DNA2: variants seen among roughly 807,000 people sequenced by gnomAD.
DNA2 encodes DNA replication helicase/nuclease 2.
A neutral mutation model predicts 119.1 loss-of-function variants in DNA2; 101 were observed. The observed-to-expected ratio is 0.85, with a 90% CI of 0.72 to 1.00. The LOEUF is 1.00. DNA2 is among the 50% of genes least tolerant of loss of function. The pLI, the probability that DNA2 is intolerant of heterozygous loss-of-function variation, is 0.00. For missense variants in DNA2, 1,121 were observed against 1,255.5 expected (o/e 0.89, Z 1.62); for synonymous variants, 366 against 424.4 (o/e 0.86, Z 1.69).
Position 68,442,910 on chromosome 10 carries a change from C to A in DNA2, c.1415+7G>T. ...TGAAATCTTACTGTACTAAATGGAC[C>A]ACTTACATTTCCGAAGCAGGCATTA... On this transcript the variant is annotated splice_region_variant and intron_variant, in intron 9 of 20. Transcript: ENST00000358410. 1 of 1,604,624 alleles carries A rather than the reference C, an allele frequency of 6.2e-7. No homozygotes were observed. Among genetic ancestry groups the A allele is most frequent in the Non-Finnish European group, 8.5e-7 (1 of 1,175,940 alleles).
chr10:68,459,028 T>A, intron 5 of DNA2, 76 bp downstream of exon 5: 12 of 1,287,152 alleles, frequency 9.3e-6, no homozygotes, highest in Non-Finnish European at 1.2e-5. Flanking sequence ...CTTTAAAAAC[T>A]TTGATTCAAC....
intron 9 of DNA2, among the ~76,000 whole-genome samples, chr10:68,441,776 A>G (rs1356478202): frequency 6.6e-6 from 1 of 152,210 alleles, no homozygotes; most frequent in African/African-American, 2.4e-5. Context: ...TTCCATCTCA[A>G]AAAGAAAAAA....
Position 68,450,080 on chromosome 10 carries a change from G to T in DNA2, c.887C>A (p.Pro296Gln). The T allele has an allele frequency of 6.2e-7, 1 of 1,602,136 alleles. No homozygotes were observed. The highest frequency in any genetic ancestry group is 8.5e-7 in the Non-Finnish European group (1 of 1,173,566). The change falls in exon 6 of 21, where the codon CCG becomes CAG. Residue 296 changes from proline to glutamine, a missense_variant. Pro to Gln is a moderately conservative substitution (Grantham distance 76). Transcript: ENST00000358410. ...RGYKTKYKIMPLELKTGKESN... is the reference protein window; with the variant it reads ...RGYKTKYKIMQLELKTGKESN... The stretch of plus-strand genomic sequence containing the variant: ...TTCTTTGCCAGTTTTAAGTTCCAGC[G>T]GCATTATCTTGTATTTTGTTTTATA...
At chr10:68,437,586 G>T (rs1412861560) in intron 9 of DNA2, among the ~76,000 whole-genome samples, 1 of 152,088 alleles carries the variant, frequency 6.6e-6, no homozygotes, top group African/African-American at 2.4e-5. Flanking sequence ...GGAGGTGAAA[G>T]TTGCAGTGAG....
intron 1 of DNA2, among the ~76,000 whole-genome samples, chr10:68,471,385 C>T (rs369417526): frequency 2.0e-5 from 3 of 152,152 alleles, no homozygotes; most frequent in African/African-American, 7.2e-5. Flanking sequence ...ACATTATGAC[C>T]GTGGTTAACT....
At chr10:68,468,906 C>T (rs893600031) in intron 2 of DNA2, among the ~76,000 whole-genome samples, 3 of 151,864 alleles carry the variant, frequency 2.0e-5, no homozygotes, top group African/African-American at 4.8e-5. Context: ...AAAAATTAGC[C>T]GGGCGTGGTG....
chr10:68,459,079 T>C (rs2052222150), intron 5 of DNA2, 25 bp downstream of exon 5: 1 of 1,562,602 alleles, frequency 6.4e-7, no homozygotes, highest in Admixed American at 2.0e-5. Flanking sequence ...GAAGACTATA[T>C]ATATAAACAA....
At chr10:68,418,286 C>G (rs2051617885) in intron 19 of DNA2, among the ~76,000 whole-genome samples, 1 of 151,994 alleles carries the variant, frequency 6.6e-6, no homozygotes, top group Admixed American at 6.6e-5. Flanking sequence ...GATGGCGATG[C>G]CTGTAATCCC....
At chr10:68,416,971 T>C in intron 19 of DNA2, 116 bp from the exon 20 acceptor site, 1 of 852,058 alleles carries the variant, frequency 1.2e-6, no homozygotes, top group South Asian at 2.0e-5. Context: ...AGGCCAGGTG[T>C]AGTGGCTCAT....
intron 9 of DNA2, among the ~76,000 whole-genome samples, chr10:68,439,609 G>A (rs1480259495): frequency 1.3e-5 from 2 of 151,828 alleles, no homozygotes; most frequent in African/African-American, 2.4e-5. Flanking sequence ...AGGCCGAAGC[G>A]TGTGGATCAT....
At chr10:68,448,968 C>CGTGCGTGTGT (rs2052080154) in intron 6 of DNA2, among the ~76,000 whole-genome samples, 10 of 109,610 alleles carry the variant, frequency 9.1e-5, no homozygotes, top group South Asian at 4.0e-4. Context: ...TGTGTGTGTG[C>CGTGCGTGTGT]GTGTGTGTGT....
chr10:68,430,614 T>G lies in DNA2; in HGVS notation c.2030A>C (p.Tyr677Ser). The change falls in exon 14 of 21, where the codon TAT becomes TCT. Residue 677 changes from tyrosine (Y) to serine (S), a missense_variant. Coordinates refer to ENST00000358410, the MANE Select transcript of DNA2 (RefSeq NM_001080449.3). Reference sequence around the variant, plus strand: ...AATATTGTCAACAGCAGAGTGTGTATAGCTGGTCAACAAAACGCTAAAACC... The same window carrying G: ...AATATTGTCAACAGCAGAGTGTGTAGAGCTGGTCAACAAAACGCTAAAACC... ...ACGFSVLLTS[Y>S]THSAVDNILL... The G allele has an allele frequency of 6.2e-7, 1 of 1,606,396 alleles. No individual in the cohort carries two copies. Among genetic ancestry groups the G allele is most frequent in the South Asian group, 1.1e-5 (1 of 89,454 alleles).
In DNA2 at chr10:68,435,549, G is replaced by A. The variant is rs576632237; in HGVS notation, c.1646+1462C>T. 9.9e-5 allele frequency among the ~76,000 whole-genome samples: 15 copies of A among 152,124 alleles called. No homozygotes were observed. In the South Asian group the frequency reaches 2.1e-3, roughly 21 times the overall value. ...TCGGCTCACTGAAACCTCTGCCTCC[G>A]GGTTCAAGCGATTCCCCTGCCTCAG... is the stretch of plus-strand genomic sequence containing the variant. On this transcript the variant is annotated intron_variant, in intron 10 of 20. Transcript: ENST00000358410.
At chr10:68,472,011 G>T, upstream of DNA2, 1 of 1,609,660 alleles carries the variant, frequency 6.2e-7, no homozygotes, top group Non-Finnish European at 8.5e-7. Context: ...CCTGCGCCAG[G>T]CCGCCCCTCC....
chr10:68,428,846 A>G (rs2051778022), intron 14 of DNA2, among the ~76,000 whole-genome samples: 1 of 152,164 alleles, frequency 6.6e-6, no homozygotes, highest in Non-Finnish European at 1.5e-5. Context: ...CAACTATAAA[A>G]GTGCAACATG....
intron 19 of DNA2, among the ~76,000 whole-genome samples, chr10:68,417,399 A>AAAC (rs2051604646): frequency 6.6e-6 from 1 of 150,488 alleles, no homozygotes; most frequent in Admixed American, 6.6e-5. Context: ...ACCAAAAAAA[A>AAAC]AAAAAAAAAA....
intron 20 of DNA2, among the ~76,000 whole-genome samples, 178 bp from the exon 21 acceptor site, chr10:68,415,285 T>C (rs2051573970): frequency 6.6e-6 from 1 of 151,718 alleles, no homozygotes; most frequent in Admixed American, 6.6e-5. Flanking sequence ...CTTTTTTTTT[T>C]TTTTTTCTGA....
rs374043657 is a variant in DNA2 at position 68,447,792 on chromosome 10, G to C, written c.940-1379C>G. 4.7e-3 allele frequency among the ~76,000 whole-genome samples: 710 copies of C among 151,802 alleles called. 9 individuals are homozygous for C. Among genetic ancestry groups the C allele is most frequent in the South Asian group, 0.031 (149 of 4,802 alleles). ...AGGTCAGGAGATCGAGACCATCCTG[G>C]CTAATAAGGTGAAACCCCGTCTCTA... On this transcript the variant is annotated intron_variant, in intron 6 of 20. Transcript: ENST00000358410.
At chr10:68,439,321 G>T (rs1047706049) in intron 9 of DNA2, among the ~76,000 whole-genome samples, 3 of 151,978 alleles carry the variant, frequency 2.0e-5, no homozygotes, top group African/African-American at 4.8e-5. Context: ...TTGAACCTCG[G>T]AGGCGGAGGT....
Sources: allele counts gnomAD v4.1 joint callset (sites outside exome capture counted in the v4.1 genomes callset), GRCh38; gene constraint gnomAD v4.1.1; transcripts MANE v1.5; gene names NCBI Gene and HGNC (gene_info 2026-07-23, HGNC 2026-07-21).